Variants in DHX37 observed in about 807,000 individuals in gnomAD.
The protein encoded by DHX37 is probable ATP-dependent RNA helicase DHX37.
In DHX37, 52 loss-of-function variants were observed where a neutral mutation model predicts 134.3. The ratio of observed to expected loss-of-function variants is 0.39; its 90% CI spans 0.31 to 0.49. The LOEUF (loss-of-function observed/expected upper bound fraction) is 0.49. Ranked by LOEUF, DHX37 falls within the 20% of genes least tolerant of loss-of-function variation. The probability of loss-of-function intolerance (pLI) is 0.93; values close to 1 mark genes in which losing one functional copy is unlikely to be tolerated. For synonymous variants in DHX37, 634 were observed against 670.7 expected (o/e 0.95, Z 0.85); for missense variants, 1,344 against 1,580.8 (o/e 0.85, Z 2.54).
At chr12:124,979,766 C>A (rs748313059) in intron 4 of DHX37, among the ~76,000 whole-genome samples, 1 of 152,202 alleles carries the variant, frequency 6.6e-6, no homozygotes, top group East Asian at 1.9e-4. Context: ...GAACCCCACA[C>A]CCTCCTTGCC....
At chr12:124,975,564 C>T in intron 5 of DHX37, 53 bp from the exon 6 acceptor site, 1 of 1,577,830 alleles carries the variant, frequency 6.3e-7, no homozygotes, top group South Asian at 1.1e-5. Flanking sequence ...CCTGTTCATG[C>T]CAAAGCCTCA....
At chr12:124,956,653 T>G in intron 18 of DHX37, 38 bp downstream of exon 18, 1 of 1,506,814 alleles carries the variant, frequency 6.6e-7, no homozygotes, top group African/African-American at 1.4e-5. Flanking sequence ...CCGTCGGAAC[T>G]GAGCTTGGCC....
At chr12:124,979,274 C>A (rs1594508532) in intron 4 of DHX37, among the ~76,000 whole-genome samples, 1 of 152,148 alleles carries the variant, frequency 6.6e-6, no homozygotes, top group Non-Finnish European at 1.5e-5. Context: ...GAGGGTGAGG[C>A]AGGAGGGTCA....
In DHX37 at chr12:124,980,872, C is replaced by A. The variant is rs1293740885; in HGVS notation, c.390-34G>T. 2 of 1,536,542 alleles carry A rather than the reference C, an allele frequency of 1.3e-6. No individual in the cohort carries two copies. The highest frequency in any genetic ancestry group is 1.4e-5 in the African/African-American group (1 of 72,978). On this transcript the variant is annotated intron_variant, in intron 3 of 26. Coordinates refer to ENST00000308736, the MANE Select transcript of DHX37 (RefSeq NM_032656.4). The surrounding 1 kb of genome is among the most constrained non-coding windows in gnomAD (Gnocchi z 5.3). ...ATAGCAGAGACTTCAGGCACAGAGGCCCCACCTCAATCCCAGAGGTCAGGA... is the reference window on the plus strand; with the variant it reads ...ATAGCAGAGACTTCAGGCACAGAGGACCCACCTCAATCCCAGAGGTCAGGA...
chr12:124,966,896 T>C lies in DHX37; in HGVS notation c.1505-18A>G. The C allele has an allele frequency of 6.2e-7, 1 of 1,614,158 alleles. No individual in the cohort carries two copies. The highest frequency in any genetic ancestry group is 1.1e-5 in the South Asian group (1 of 91,086). On this transcript the variant is annotated intron_variant, in intron 11 of 26. Transcript: ENST00000308736. The stretch of plus-strand genomic sequence containing the variant: ...GTCCTTTTCTGGGAGAGGGGCAGGT[T>C]GGGGAGAAAGGCGTCTGTGGCCGGC...
intron 2 of DHX37, among the ~76,000 whole-genome samples, chr12:124,984,104 A>G (rs1487528754): frequency 6.6e-6 from 1 of 152,206 alleles, no homozygotes; most frequent in Non-Finnish European, 1.5e-5. Context: ...TCACAGCCCA[A>G]AATGTCTCAA....
rs771384974 is a variant in DHX37 at position 124,956,686 on chromosome 12, C to T, written c.2453+5G>A. The T allele has an allele frequency of 4.5e-6, 7 of 1,546,076 alleles. No individual in the cohort carries two copies. In the Admixed American group the frequency reaches 5.5e-5, roughly 12 times the overall value. On this transcript the variant is annotated splice_donor_5th_base_variant and intron_variant, in intron 18 of 26. Transcript: ENST00000308736. ...GCCCTGAGTGCCCAGCCGCCAACCT[C>T]GCACCTGTCCAGCTCCTCAAACAGC...
Position 124,949,950 on chromosome 12 carries a change from T to G in DHX37, c.3290+36A>C. On this transcript the variant is annotated intron_variant, in intron 25 of 26. Transcript: ENST00000308736. This position sits in a 1 kb window ranked among gnomAD's most constrained non-coding sequence, Gnocchi z 4.0. ...GGAGGTCATTCAGGCCTCGGACCCC[T>G]CCTGCCCACTGCGAGGCTCCCACCG... is the stretch of plus-strand genomic sequence containing the variant. 1 of 1,581,472 alleles carries G rather than the reference T, an allele frequency of 6.3e-7. No individual in the cohort carries two copies.
intron 18 of DHX37, 61 bp from the exon 19 acceptor site, chr12:124,954,272 G>A: frequency 1.3e-6 from 2 of 1,513,454 alleles, no homozygotes; most frequent in Non-Finnish European, 1.8e-6. Context: ...GGCCTCAGCG[G>A]GGGGAACTCC....
chr12:124,955,005 G>A (rs1008428374), intron 18 of DHX37, among the ~76,000 whole-genome samples: 1 of 152,240 alleles, frequency 6.6e-6, no homozygotes, highest in African/African-American at 2.4e-5. Flanking sequence ...CCATACCTGA[G>A]CTCTCAGTCA....
At chr12:124,968,805 T>C in intron 9 of DHX37, 62 bp downstream of exon 9, 1 of 1,604,664 alleles carries the variant, frequency 6.2e-7, no homozygotes, top group Non-Finnish European at 8.5e-7. Flanking sequence ...CTCAGGGGGC[T>C]CCCGACACCA....
chr12:124,948,073 G>C lies in DHX37; in HGVS notation c.3388+11C>G. 6.2e-7 allele frequency: 1 copy of C among 1,614,248 alleles called. No homozygotes were observed. Among genetic ancestry groups the C allele is most frequent in the Non-Finnish European group, 8.5e-7 (1 of 1,180,044 alleles). On this transcript the variant is annotated intron_variant, in intron 26 of 26. Coordinates refer to ENST00000308736, the MANE Select transcript of DHX37 (RefSeq NM_032656.4). ...TGTCTACTCCCACCCCCTGGCCCTG[G>C]TCAAACTCACATTTGGGGTTTTTCT...
intron 20 of DHX37, chr12:124,952,916 A>T (rs1954003769): frequency 5.9e-6 from 1 of 168,932 alleles, no homozygotes; most frequent in Admixed American, 6.3e-5. Context: ...GGAACGTTCA[A>T]TACGGGAACA....
intron 16 of DHX37, 74 bp from the exon 17 acceptor site, chr12:124,957,209 G>A: frequency 7.4e-7 from 1 of 1,345,724 alleles, no homozygotes; most frequent in Non-Finnish European, 9.9e-7. Context: ...TCCGTCTGTG[G>A]CAGGCACTCC....
At chr12:124,956,053 C>T (rs1290550705) in intron 18 of DHX37, among the ~76,000 whole-genome samples, 1 of 152,254 alleles carries the variant, frequency 6.6e-6, no homozygotes, top group East Asian at 1.9e-4. Flanking sequence ...GGTCCAAACA[C>T]AGGCAGATTG....
chr12:124,961,011 T>C (rs1253843926), intron 15 of DHX37, among the ~76,000 whole-genome samples: 1 of 152,254 alleles, frequency 6.6e-6, no homozygotes, highest in East Asian at 1.9e-4. Context: ...GGATGGTGCA[T>C]AGCACTCTAC....
intron 6 of DHX37, among the ~76,000 whole-genome samples, chr12:124,973,745 G>A (rs1954570608): frequency 1.3e-5 from 2 of 150,238 alleles, no homozygotes; most frequent in South Asian, 4.3e-4. Flanking sequence ...GGGTTCAAGG[G>A]ATTCTTCTGC....
At chr12:124,970,117 T>C (rs754257248) in intron 8 of DHX37, among the ~76,000 whole-genome samples, 22 of 152,110 alleles carry the variant, frequency 1.4e-4, no homozygotes, top group Non-Finnish European at 2.4e-4. Context: ...AGATTACAGG[T>C]GTGCGCCACC....
chr12:124,959,647 G>A (rs532129674), intron 16 of DHX37, among the ~76,000 whole-genome samples: 3 of 152,304 alleles, frequency 2.0e-5, no homozygotes, highest in African/African-American at 7.2e-5. Flanking sequence ...ACGTAACTGG[G>A]ACACAGGTCA....
Sources: allele counts gnomAD v4.1 joint callset (sites outside exome capture counted in the v4.1 genomes callset), GRCh38; gene constraint gnomAD v4.1.1; non-coding constraint Gnocchi (gnomAD v3.1); transcripts MANE v1.5; gene names NCBI Gene and HGNC (gene_info 2026-07-23, HGNC 2026-07-21).